The following ATG4B variants were observed in gnomAD, a reference collection of about 807,000 sequenced individuals.
The protein encoded by ATG4B is cysteine protease ATG4B.
A neutral mutation model predicts 56.6 loss-of-function variants in ATG4B; 29 were observed. The observed-to-expected ratio is 0.51, with a 90% confidence interval of 0.38 to 0.70. The LOEUF (loss-of-function observed/expected upper bound fraction) is 0.70, where lower values mean the gene tolerates loss of function less well. Ranked by LOEUF, ATG4B falls within the 30% of genes least tolerant of loss-of-function variation. The pLI is 0.00. For synonymous variants in ATG4B, 224 were observed against 206.1 expected (o/e 1.09, Z -0.74); for missense variants, 461 against 515.5 (o/e 0.89, Z 1.02).
intron 6 of ATG4B, among the ~76,000 whole-genome samples, chr2:241,655,954 A>G (rs144639868): frequency 1.3e-5 from 2 of 152,300 alleles, no homozygotes; most frequent in Non-Finnish European, 2.9e-5. Flanking sequence ...ATCCAGGGTC[A>G]TTTGGTCTGA....
chr2:241,655,354 C>T lies in ATG4B; in HGVS notation c.458+11C>T, dbSNP rs778111444. On this transcript the variant is annotated intron_variant, in intron 6 of 12. Transcript: ENST00000404914. ...CGCCCAGGTCCTGAAGTATGTACTG[C>T]GCTTCCACTGCTGAGCATGGGGCAG... 1.2e-5 allele frequency: 19 copies of T among 1,602,296 alleles called. No homozygotes were observed. Among genetic ancestry groups the T allele is most frequent in the South Asian group, 7.9e-5 (7 of 88,952 alleles).
intron 1 of ATG4B, among the ~76,000 whole-genome samples, chr2:241,640,512 G>A (rs2067851150): frequency 6.6e-6 from 1 of 152,184 alleles, no homozygotes; most frequent in African/African-American, 2.4e-5. Context: ...TCAGATATGT[G>A]TTAGGCATTG....
intron 1 of ATG4B, among the ~76,000 whole-genome samples, chr2:241,645,958 C>T (rs937652534): frequency 3.3e-5 from 5 of 152,202 alleles, no homozygotes; most frequent in South Asian, 2.1e-4. Flanking sequence ...GCCGTGGCTG[C>T]GCCACTCCTG....
intron 7 of ATG4B, among the ~76,000 whole-genome samples, chr2:241,662,809 G>T (rs929336819): frequency 1.3e-5 from 2 of 151,930 alleles, no homozygotes; most frequent in Non-Finnish European, 2.9e-5. Flanking sequence ...GGGCGCGGTG[G>T]CTCACGCCTA....
In ATG4B at chr2:241,659,156, A is replaced by T; in HGVS notation, c.507A>T (p.Ala169=). 6.2e-7 allele frequency: 1 copy of T among 1,613,754 alleles called. No individual in the cohort carries two copies. The highest frequency in any genetic ancestry group is 2.2e-5 in the East Asian group (1 of 44,882). The change falls in exon 7 of 13, where the codon GCA becomes GCT. Residue 169 remains alanine, a synonymous_variant. Coordinates refer to ENST00000404914, the MANE Select transcript of ATG4B (RefSeq NM_013325.5). ...DTWSSLAVHI[A]MDNTVVMEEI... is the part of the protein sequence containing the mutation. ...GGAGCTCCTTGGCGGTCCACATTGC[A>T]ATGGACAACACTGTTGTGATGGAGG...
Position 241,671,464 on chromosome 2 carries a change from C to T in ATG4B, c.1108+59C>T, listed in dbSNP as rs148609750. 4,734 of 1,593,472 alleles carry T rather than the reference C, an allele frequency of 3.0e-3. 44 individuals are homozygous for T. Among genetic ancestry groups the T allele is most frequent in the Middle Eastern group, 0.02 (120 of 6,044 alleles). On this transcript the variant is annotated intron_variant, in intron 12 of 12. Coordinates refer to ENST00000404914, the MANE Select transcript of ATG4B (RefSeq NM_013325.5). Reference sequence around the variant, plus strand: ...GAGGTACGATCTGTGCCCTTGCTTCCCCAGTCCTGGCCCCCTTGGTTTTGA... The same window carrying T: ...GAGGTACGATCTGTGCCCTTGCTTCTCCAGTCCTGGCCCCCTTGGTTTTGA...
intron 1 of ATG4B, among the ~76,000 whole-genome samples, chr2:241,648,884 A>T (rs2068144528): frequency 6.6e-6 from 1 of 152,196 alleles, no homozygotes; most frequent in African/African-American, 2.4e-5. Context: ...TGCGCATACA[A>T]TTAAGGCTTT....
intron 7 of ATG4B, among the ~76,000 whole-genome samples, chr2:241,664,389 C>G (rs887697464): frequency 6.6e-6 from 1 of 151,982 alleles, no homozygotes; most frequent in Non-Finnish European, 1.5e-5. Flanking sequence ...AACAAAAAAA[C>G]TAGCCGGACA....
intron 3 of ATG4B, 60 bp from the exon 4 acceptor site, chr2:241,653,452 G>T: frequency 6.4e-7 from 1 of 1,551,740 alleles, no homozygotes; most frequent in South Asian, 1.2e-5. Flanking sequence ...CCTGCCAGTG[G>T]GCTTGTGGCC....
intron 1 of ATG4B, among the ~76,000 whole-genome samples, chr2:241,646,751 T>C (rs1465836950): frequency 6.6e-6 from 1 of 151,566 alleles, no homozygotes; most frequent in African/African-American, 2.4e-5. Context: ...GGCTAAGCTA[T>C]GATGTTAGGT....
intron 7 of ATG4B, among the ~76,000 whole-genome samples, chr2:241,663,973 C>T (rs927789320): frequency 1.3e-5 from 2 of 152,014 alleles, no homozygotes; most frequent in Non-Finnish European, 2.9e-5. Context: ...CCACGCCTGG[C>T]TAATTTTTTG....
At chr2:241,643,564 A>G (rs1455043383) in intron 1 of ATG4B, among the ~76,000 whole-genome samples, 3 of 149,982 alleles carry the variant, frequency 2.0e-5, no homozygotes, top group Non-Finnish European at 4.4e-5. Context: ...AGATGGGTCT[A>G]TATATTTATT....
chr2:241,658,130 C>T (rs1370823328), intron 6 of ATG4B, among the ~76,000 whole-genome samples: 4 of 152,238 alleles, frequency 2.6e-5, no homozygotes, highest in Non-Finnish European at 5.9e-5. Context: ...TCCTTGTTTG[C>T]CCTCCGCCAG....
chr2:241,644,517 T>A (rs1031826284), intron 1 of ATG4B, among the ~76,000 whole-genome samples: 1 of 152,242 alleles, frequency 6.6e-6, no homozygotes, highest in African/African-American at 2.4e-5. Context: ...AGTCCAGGCC[T>A]GTGTCTGTCC....
At chr2:241,653,828 CA>C (rs1430112208) in intron 4 of ATG4B, among the ~76,000 whole-genome samples, 1 of 151,864 alleles carries the variant, frequency 6.6e-6, no homozygotes, top group Non-Finnish European at 1.5e-5. Flanking sequence ...CCCCGTCTCA[CA>C]AAAAATACAA....
intron 6 of ATG4B, among the ~76,000 whole-genome samples, chr2:241,657,872 G>C (rs1204127097): frequency 6.6e-6 from 1 of 152,146 alleles, no homozygotes; most frequent in African/African-American, 2.4e-5. Flanking sequence ...TGACTCAGGC[G>C]GGGCTCTACC....
At chr2:241,642,846 C>T (rs1362696717) in intron 1 of ATG4B, among the ~76,000 whole-genome samples, 2 of 100,634 alleles carry the variant, frequency 2.0e-5, no homozygotes, top group African/African-American at 3.8e-5. Flanking sequence ...GGGACTCTTT[C>T]TTAAGGTGTA....
chr2:241,651,485 T>C lies in ATG4B; in HGVS notation c.184+150T>C. On this transcript the variant is annotated intron_variant, in intron 3 of 12. Transcript: ENST00000404914. The surrounding 1 kb of genome is among the most constrained non-coding windows in gnomAD (Gnocchi z 4.1). ...TAACTGAATTGGCCGAGGCCTCACG[T>C]GTAGTAGTGGCAAAGCTAGAATCCA... 1.4e-6 allele frequency: 1 copy of C among 691,850 alleles called. No homozygotes were observed. Among genetic ancestry groups the C allele is most frequent in the Non-Finnish European group, 2.4e-6 (1 of 412,436 alleles). The allele number at this position is 691,850 out of a possible 1,614,324, so 42.9% of individuals were successfully genotyped here.
At chr2:241,646,255 C>G (rs2068056636) in intron 1 of ATG4B, among the ~76,000 whole-genome samples, 1 of 152,196 alleles carries the variant, frequency 6.6e-6, no homozygotes, top group Non-Finnish European at 1.5e-5. Flanking sequence ...CCGCTCAGGC[C>G]TCGTGACCCT....
Sources: gnomAD v4.1 joint callset for allele counts (sites outside exome capture counted in the v4.1 genomes callset) on GRCh38, gnomAD v4.1.1 for gene constraint, Gnocchi (gnomAD v3.1) non-coding constraint, MANE v1.5 for transcripts, NCBI Gene and HGNC (gene_info 2026-07-23, HGNC 2026-07-21) for gene names.